The following BYSL variants were observed in gnomAD, a reference collection of about 807,000 sequenced individuals.
BYSL encodes bystin like, also known as bystin.
Under a neutral mutation model 45.4 loss-of-function variants are expected in BYSL, and 21 were observed. The ratio of observed to expected loss-of-function variants is 0.46; its 90% CI spans 0.33 to 0.67. BYSL has a LOEUF of 0.67. Ranked by LOEUF, BYSL falls within the 30% of genes least tolerant of loss-of-function variation. The probability of loss-of-function intolerance (pLI) is 0.02; values close to 1 mark genes in which losing one functional copy is unlikely to be tolerated. For missense variants in BYSL, 522 were observed against 578.5 expected (o/e 0.90, Z 1.00); for synonymous variants, 215 against 231.3 (o/e 0.93, Z 0.64).
At chr6:41,929,272 G>T (rs550239147) in intron 2 of BYSL, among the ~76,000 whole-genome samples, 1 of 152,128 alleles carries the variant, frequency 6.6e-6, no homozygotes, top group Non-Finnish European at 1.5e-5. Flanking sequence ...ACTTTGGGAC[G>T]CCAAGGCAGG....
chr6:41,923,041 C>T (rs1012714306), intron 1 of BYSL, among the ~76,000 whole-genome samples: 9 of 152,186 alleles, frequency 5.9e-5, no homozygotes, highest in African/African-American at 1.9e-4. Context: ...CACTTTTCAC[C>T]GCTTTGGAAC....
At chr6:41,931,260 C>G in intron 4 of BYSL, 136 bp from the exon 5 acceptor site, 10 of 1,028,410 alleles carry the variant, frequency 9.7e-6, no homozygotes, top group Non-Finnish European at 1.4e-5. Flanking sequence ...ACACAGCTCC[C>G]ACACATCCCC....
chr6:41,932,237 G>A lies in BYSL; in HGVS notation c.969-124G>A. The A allele has an allele frequency of 3.3e-6, 3 of 913,990 alleles. No individual in the cohort carries two copies. Among genetic ancestry groups the A allele is most frequent in the South Asian group, 1.6e-5 (1 of 64,344 alleles). The allele number at this position is 913,990 out of a possible 1,614,324, so 56.6% of individuals were successfully genotyped here. ...GATTGTGTAGGTGAGAAGGTCCCTG[G>A]GGAATACCATAGTGTAAGGGCCAGC... On this transcript the variant is annotated intron_variant, in intron 6 of 6. Transcript: ENST00000230340. The surrounding 1 kb of genome is among the most constrained non-coding windows in gnomAD (Gnocchi z 4.7).
At chr6:41,913,012 G>A in the BYSL span, 1 of 151,760 alleles carries the variant, frequency 6.6e-6, no homozygotes, top group Admixed American at 6.6e-5. Context: ...TAGGATGCTG[G>A]GGCTGGAGGA....
At chr6:41,916,258 T>TGAATA in the BYSL span, among the ~76,000 whole-genome samples, 1 of 148,228 alleles carries the variant, frequency 6.7e-6, no homozygotes, top group Non-Finnish European at 1.5e-5. Context: ...CTCAAAAAAA[T>TGAATA]AAATAAAATA....
chr6:41,929,755 C>T (rs186307991), intron 2 of BYSL, among the ~76,000 whole-genome samples: 10 of 152,190 alleles, frequency 6.6e-5, no homozygotes, highest in Admixed American at 5.9e-4. Flanking sequence ...AGGTGGGTAC[C>T]GTTATTATCC....
Position 41,931,493 on chromosome 6 carries a change from C to T in BYSL, c.802C>T (p.Leu268Phe). 1.2e-6 allele frequency: 2 copies of T among 1,614,160 alleles called. No homozygotes were observed. The highest frequency in any genetic ancestry group is 1.7e-6 in the Non-Finnish European group (2 of 1,180,032). Reference protein sequence around the residue: ...VRDDVAEYKRLNFHLYMALKK... With the variant: ...VRDDVAEYKRFNFHLYMALKK... ...AGATGACGTTGCTGAATACAAACGA[C>T]TCAACTTCCATCTCTACATGGCTCT... Residue 268 changes from leucine to phenylalanine, a missense_variant, in exon 5 of 7, where the codon CTC becomes TTC. Physicochemically the swap from Leu to Phe is conservative, Grantham distance 22. Transcript: ENST00000230340.
chr6:41,910,490 G>T, the BYSL span, among the ~76,000 whole-genome samples: 3 of 151,922 alleles, frequency 2.0e-5, no homozygotes, highest in East Asian at 5.9e-4. Context: ...AAATTATCTG[G>T]GTGTGGCGGT....
upstream of BYSL, chr6:41,916,890 C>G (rs1340378373): frequency 6.2e-7 from 1 of 1,614,116 alleles, no homozygotes; most frequent in Admixed American, 1.7e-5. Flanking sequence ...GTAAGGAGCT[C>G]TACGGTTTGC....
upstream of BYSL, chr6:41,921,197 C>T (rs1775458548): frequency 1.3e-6 from 1 of 766,824 alleles, no homozygotes; most frequent in East Asian, 2.9e-5. Flanking sequence ...GTCTCGGCAC[C>T]CCTCGGTGAC....
chr6:41,927,720 A>G, intron 2 of BYSL, 184 bp downstream of exon 2: 1 of 642,910 alleles, frequency 1.6e-6, no homozygotes, highest in Non-Finnish European at 2.6e-6. Context: ...ACCCAGCCTC[A>G]AAAAACATTG....
At chr6:41,921,951 CA>C in intron 1 of BYSL, 121 bp downstream of exon 1, 1 of 1,364,630 alleles carries the variant, frequency 7.3e-7, no homozygotes, top group Non-Finnish European at 9.7e-7. Context: ...ATTACACTTG[CA>C]AAGGAGACTG....
upstream of BYSL, chr6:41,920,979 C>A: frequency 6.2e-7 from 1 of 1,607,308 alleles, no homozygotes; most frequent in Non-Finnish European, 8.5e-7. Context: ...CCAAGCCCCG[C>A]CCCACAAAAC....
At chr6:41,918,492 G>A (rs1226911114), upstream of BYSL, among the ~76,000 whole-genome samples, 6 of 147,346 alleles carry the variant, frequency 4.1e-5, no homozygotes, top group Non-Finnish European at 6.0e-5. Flanking sequence ...CAACAAGAGC[G>A]AAACTCCATC....
At chr6:41,930,047 C>G (rs751888848) in intron 2 of BYSL, 85 bp from the exon 3 acceptor site, 1 of 1,544,248 alleles carries the variant, frequency 6.5e-7, no homozygotes, top group South Asian at 1.2e-5. Flanking sequence ...TCACAGGGGA[C>G]TGTGGGGAGT....
chr6:41,930,884 T>G (rs1450570454), intron 4 of BYSL, 116 bp downstream of exon 4: 1 of 1,364,756 alleles, frequency 7.3e-7, no homozygotes, highest in African/African-American at 1.5e-5. Context: ...CAGGGCCCTC[T>G]CTGTGCTACT....
chr6:41,929,137 C>T (rs1409763729), intron 2 of BYSL, among the ~76,000 whole-genome samples: 2 of 152,038 alleles, frequency 1.3e-5, no homozygotes, highest in South Asian at 2.1e-4. Flanking sequence ...CCTGACCTCA[C>T]GTGATCCACC....
intron 1 of BYSL, among the ~76,000 whole-genome samples, chr6:41,923,749 C>G (rs1459873286): frequency 6.6e-6 from 1 of 152,012 alleles, no homozygotes; most frequent in Non-Finnish European, 1.5e-5. Context: ...CTCATACTCT[C>G]TACAAAGTAC....
chr6:41,930,555 A>G, intron 3 of BYSL, 80 bp from the exon 4 acceptor site: 1 of 1,509,494 alleles, frequency 6.6e-7, no homozygotes, highest in Non-Finnish European at 8.9e-7. Context: ...ATATATTAAA[A>G]GCACCCAGAC....
Sources: allele counts gnomAD v4.1 joint callset (sites outside exome capture counted in the v4.1 genomes callset), GRCh38; gene constraint gnomAD v4.1.1; non-coding constraint Gnocchi (gnomAD v3.1); transcripts MANE v1.5; gene names NCBI Gene and HGNC (gene_info 2026-07-23, HGNC 2026-07-21).